Variants in EGFLAM observed in about 807,000 individuals in gnomAD.
The protein encoded by EGFLAM is pikachurin.
In EGFLAM, 79 loss-of-function variants were observed where a neutral mutation model predicts 113.1. That is an observed-to-expected ratio of 0.70 (90% CI 0.58 to 0.84). EGFLAM has a LOEUF of 0.84. Among genes scored for constraint, EGFLAM ranks in the 40% least tolerant of loss-of-function variants. EGFLAM has a pLI of 0.00. For synonymous variants in EGFLAM, 504 were observed against 487.6 expected (o/e 1.03, Z -0.44); for missense variants, 1,265 against 1,291.6 (o/e 0.98, Z 0.32).
chr5:38,376,028 T>C (rs189860754), intron 6 of EGFLAM, among the ~76,000 whole-genome samples: 2 of 152,248 alleles, frequency 1.3e-5, no homozygotes, highest in Admixed American at 1.3e-4. Context: ...CAAATCATGA[T>C]CTCTCATTCT....
intron 1 of EGFLAM, among the ~76,000 whole-genome samples, chr5:38,306,499 T>C (rs771943416): frequency 2.7e-4 from 41 of 152,232 alleles, no homozygotes; most frequent in Non-Finnish European, 5.4e-4. Flanking sequence ...CGATATCTCA[T>C]GTTCAGGGCC....
chr5:38,375,060 G>GTTTTTT (rs74821426), intron 6 of EGFLAM, among the ~76,000 whole-genome samples: 46 of 107,694 alleles, frequency 4.3e-4, no homozygotes, highest in African/African-American at 1.4e-3. Context: ...CTCTGTTGTT[G>GTTTTTT]TTTTTTTTTT....
chr5:38,370,543 C>A, intron 6 of EGFLAM, 81 bp downstream of exon 6: 1 of 1,492,890 alleles, frequency 6.7e-7, no homozygotes, highest in Non-Finnish European at 9.0e-7. Flanking sequence ...GACCTGGATG[C>A]CGTGCAGAAG....
intron 1 of EGFLAM, among the ~76,000 whole-genome samples, chr5:38,281,129 C>T (rs1056152699): frequency 6.6e-6 from 1 of 152,194 alleles, no homozygotes; most frequent in Non-Finnish European, 1.5e-5. Flanking sequence ...ATCCCTTATA[C>T]AGCCTTGTGC....
At chr5:38,350,387 C>T in intron 3 of EGFLAM, 114 bp from the exon 4 acceptor site, 2 of 1,010,622 alleles carry the variant, frequency 2.0e-6, no homozygotes, top group Non-Finnish European at 3.0e-6. Flanking sequence ...GCAAAACATT[C>T]TCTGTGCCAA....
chr5:38,365,632 C>T (rs1423268344), intron 5 of EGFLAM, among the ~76,000 whole-genome samples: 1 of 151,912 alleles, frequency 6.6e-6, no homozygotes, highest in Non-Finnish European at 1.5e-5. Context: ...CTTTTACCAG[C>T]ATTTTGTTTT....
At chr5:38,445,462 G>A (rs542830593) in intron 17 of EGFLAM, 2 of 1,412,228 alleles carry the variant, frequency 1.4e-6, no homozygotes, top group African/African-American at 2.9e-5. Flanking sequence ...GTGAGGAGGC[G>A]GGTGGCTGGG....
At chr5:38,330,823 T>C (rs969966792) in intron 1 of EGFLAM, among the ~76,000 whole-genome samples, 11 of 152,218 alleles carry the variant, frequency 7.2e-5, no homozygotes, top group Admixed American at 1.3e-4. Flanking sequence ...TTCAGCCACC[T>C]TTAAGACTAT....
intron 12 of EGFLAM, among the ~76,000 whole-genome samples, chr5:38,421,569 A>G (rs1741825160): frequency 6.6e-6 from 1 of 152,184 alleles, no homozygotes; most frequent in Non-Finnish European, 1.5e-5. Context: ...GGTGCTGGAG[A>G]TCAAGTAATG....
intron 5 of EGFLAM, among the ~76,000 whole-genome samples, chr5:38,368,972 C>T (rs1020046409): frequency 2.0e-5 from 3 of 152,194 alleles, no homozygotes; most frequent in Non-Finnish European, 4.4e-5. Context: ...AAGCCCTTGA[C>T]GTTATTAGCC....
intron 1 of EGFLAM, among the ~76,000 whole-genome samples, chr5:38,294,827 C>CTT (rs150950704): frequency 1.3e-5 from 2 of 151,624 alleles, no homozygotes; most frequent in African/African-American, 2.4e-5. Flanking sequence ...GCAACTCATT[C>CTT]TTTTTTTTGG....
At chr5:38,421,917 A>G (rs1741836735) in intron 12 of EGFLAM, among the ~76,000 whole-genome samples, 1 of 152,154 alleles carries the variant, frequency 6.6e-6, no homozygotes, top group South Asian at 2.1e-4. Context: ...ATCTTCTGAC[A>G]GCTCATTAGA....
chr5:38,385,105 G>A (rs1433178839), intron 6 of EGFLAM, among the ~76,000 whole-genome samples: 1 of 151,978 alleles, frequency 6.6e-6, no homozygotes, highest in African/African-American at 2.4e-5. Context: ...AAAGTAAAGT[G>A]GCAATCAGCT....
Position 38,384,049 on chromosome 5 carries a change from A to G in EGFLAM, c.712+13587A>G, listed in dbSNP as rs571814040. Among the ~76,000 whole-genome samples, 10 of 152,334 alleles carry G rather than the reference A, an allele frequency of 6.6e-5. No homozygotes were observed. The South Asian group carries it at 1.9e-3, about 28-fold the overall frequency. ...AGGCCAAGATATTGAAATTTTGAGC[A>G]GCAAAATGACATGGCCTGACTTATA... is the stretch of plus-strand genomic sequence containing the variant. On this transcript the variant is annotated intron_variant, in intron 6 of 21. Coordinates refer to ENST00000322350, the MANE Select transcript of EGFLAM (RefSeq NM_152403.4).
At chr5:38,375,057 GTTGT>G (rs1465799189) in intron 6 of EGFLAM, among the ~76,000 whole-genome samples, 15 of 97,338 alleles carry the variant, frequency 1.5e-4, no homozygotes, top group East Asian at 2.9e-4. Flanking sequence ...TTACTCTGTT[GTTGT>G]TTTTTTTTTT....
chr5:38,448,477 T>A lies in EGFLAM; in HGVS notation c.2543+98T>A. 3 of 1,298,226 alleles carry A rather than the reference T, an allele frequency of 2.3e-6. No homozygotes were observed. The South Asian group carries it at 3.7e-5, about 16-fold the overall frequency. 80.4% of individuals were successfully genotyped at this position (1,298,226 alleles called of 1,614,324 possible). On this transcript the variant is annotated intron_variant, in intron 18 of 21. Transcript: ENST00000322350. ...TCTTATATTTCATGCCAGAAGATAA[T>A]TCTCAAAGAAGACCATTCAGCCATG...
chr5:38,288,338 G>A (rs2111780712), intron 1 of EGFLAM, among the ~76,000 whole-genome samples: 1 of 152,280 alleles, frequency 6.6e-6, no homozygotes, highest in Non-Finnish European at 1.5e-5. Context: ...GGTTATGAAA[G>A]AAAGGTGGTC....
chr5:38,324,283 T>C (rs1329755172), intron 1 of EGFLAM, among the ~76,000 whole-genome samples: 1 of 152,194 alleles, frequency 6.6e-6, no homozygotes, highest in Non-Finnish European at 1.5e-5. Context: ...TGATGGTTTC[T>C]CTGGCCTTTC....
Position 38,434,203 on chromosome 5 carries a change from G to A in EGFLAM, c.2167-934G>A, listed in dbSNP as rs554621006. Among the ~76,000 whole-genome samples, 13 of 152,220 alleles carry A rather than the reference G, an allele frequency of 8.5e-5. No homozygotes were observed. In the South Asian group the frequency reaches 2.3e-3, roughly 27 times the overall value. ...ACTCACATTCCCTCTAAGCCCCAAC[G>A]TCTTCCAGTTTCTACAATGTTAACT... On this transcript the variant is annotated intron_variant, in intron 15 of 21. Transcript: ENST00000322350.
Sources: gnomAD v4.1 joint callset for allele counts (sites outside exome capture counted in the v4.1 genomes callset) on GRCh38, gnomAD v4.1.1 for gene constraint, MANE v1.5 for transcripts, NCBI Gene and HGNC (gene_info 2026-07-23, HGNC 2026-07-21) for gene names.